The following CCND3 variants were observed in gnomAD, a reference collection of about 807,000 sequenced individuals.
CCND3 encodes the protein cyclin D3.
In CCND3, 9 loss-of-function variants were observed where a neutral mutation model predicts 28.7. The observed-to-expected ratio is 0.31, with a 90% CI of 0.19 to 0.55. CCND3 has a LOEUF of 0.55. CCND3 is among the 20% of genes least tolerant of loss of function. CCND3 has a pLI of 0.93. For synonymous variants in CCND3, 164 were observed against 163.9 expected (o/e 1.00, Z 0.00); for missense variants, 315 against 385.8 (o/e 0.82, Z 1.54).
At chr6:42,005,132 T>C (rs1763139401) in intron 1 of CCND3, among the ~76,000 whole-genome samples, 1 of 152,220 alleles carries the variant, frequency 6.6e-6, no homozygotes. Context: ...CTAATGAGCA[T>C]ATATGCTGAC....
At chr6:41,987,509 CTCTCTCTCTGTGTGTG>C (rs753230558) in intron 1 of CCND3, among the ~76,000 whole-genome samples, 8,865 of 67,748 alleles carry the variant, frequency 0.13, 412 homozygotes, top group Admixed American at 0.15. Flanking sequence ...CTCTCTCTCT[CTCTCTCTCTGTGTGTG>C]TGTGTGTGTG....
chr6:41,939,759 G>C lies in CCND3; in HGVS notation c.414+611C>G, dbSNP rs1775929578. Among the ~76,000 whole-genome samples the C allele has an allele frequency of 6.6e-6, 1 of 152,182 alleles. No individual in the cohort carries two copies. On this transcript the variant is annotated intron_variant, in intron 2 of 4. Coordinates refer to ENST00000372991, the MANE Select transcript of CCND3 (RefSeq NM_001760.5). The surrounding 1 kb of genome is among the most constrained non-coding windows in gnomAD (Gnocchi z 4.2). Reference sequence around the variant, plus strand: ...CACCAGGCCCAAAGCAGCTGCTCCAGTTCCTCAGAATGAGGACGAGGAAGG... The same window carrying C: ...CACCAGGCCCAAAGCAGCTGCTCCACTTCCTCAGAATGAGGACGAGGAAGG...
At chr6:41,987,877 C>G (rs1319182741) in intron 1 of CCND3, among the ~76,000 whole-genome samples, 1 of 151,768 alleles carries the variant, frequency 6.6e-6, no homozygotes, top group Non-Finnish European at 1.5e-5. Flanking sequence ...GCATCTTTTA[C>G]ACTTAGTGAT....
intron 1 of CCND3, among the ~76,000 whole-genome samples, chr6:41,968,811 G>A (rs1761956695): frequency 6.6e-6 from 1 of 151,996 alleles, no homozygotes; most frequent in Admixed American, 6.6e-5. Flanking sequence ...GTGTTTGTTT[G>A]TTTGTTTGTT....
chr6:42,014,294 G>C (rs141190851), intron 1 of CCND3, among the ~76,000 whole-genome samples: 3,532 of 152,094 alleles, frequency 0.023, 79 homozygotes, highest in South Asian at 0.087. Context: ...GTGAACCCCG[G>C]GGGGCGGAGC....
At chr6:42,015,728 T>C (rs1763485898) in intron 1 of CCND3, among the ~76,000 whole-genome samples, 1 of 151,196 alleles carries the variant, frequency 6.6e-6, no homozygotes, top group Admixed American at 6.6e-5. Flanking sequence ...AAAAAAAAAG[T>C]TATGTCTTTT....
At chr6:42,030,922 T>G (rs1302551345) in intron 1 of CCND3, among the ~76,000 whole-genome samples, 4 of 143,822 alleles carry the variant, frequency 2.8e-5, no homozygotes, top group African/African-American at 5.3e-5. Flanking sequence ...TGTGCGTGGA[T>G]GGGGGTGGGG....
chr6:41,942,522 G>T (rs1776064895), upstream of CCND3, among the ~76,000 whole-genome samples: 1 of 152,088 alleles, frequency 6.6e-6, no homozygotes, highest in Non-Finnish European at 1.5e-5. Flanking sequence ...GAACGGAAAG[G>T]CCATGGAGTC....
At chr6:41,967,950 AG>A (rs1761932350) in intron 1 of CCND3, among the ~76,000 whole-genome samples, 1 of 152,178 alleles carries the variant, frequency 6.6e-6, no homozygotes, top group African/African-American at 2.4e-5. Context: ...TTTTGCACCC[AG>A]GATTTTGTAA....
intron 2 of CCND3, 114 bp from the exon 3 acceptor site, chr6:41,937,508 A>G (rs915455701): frequency 7.3e-6 from 9 of 1,233,014 alleles, no homozygotes; most frequent in Non-Finnish European, 9.0e-6. Context: ...AAAGCCCAAG[A>G]CCCCAGTTCT....
At chr6:41,940,312 T>C in intron 2 of CCND3, 58 bp downstream of exon 2, 3 of 1,467,002 alleles carry the variant, frequency 2.0e-6, no homozygotes, top group Admixed American at 1.7e-5. Flanking sequence ...CAAGCTTTCC[T>C]TTTCCTGGAA....
At chr6:41,944,563 G>A (rs9471694), upstream of CCND3, among the ~76,000 whole-genome samples, 1,052 of 151,776 alleles carry the variant, frequency 6.9e-3, 13 homozygotes, top group African/African-American at 0.022. Context: ...CTGGGATTAC[G>A]GGTGCATACC....
At chr6:42,026,538 C>T (rs1217830070) in intron 1 of CCND3, among the ~76,000 whole-genome samples, 1 of 152,086 alleles carries the variant, frequency 6.6e-6, no homozygotes, top group African/African-American at 2.4e-5. Context: ...CCAGCAGGTC[C>T]CCATAGGAAA....
At chr6:41,984,611 G>A (rs1015270436) in intron 1 of CCND3, among the ~76,000 whole-genome samples, 10 of 152,128 alleles carry the variant, frequency 6.6e-5, no homozygotes, top group Admixed American at 2.0e-4. Context: ...GCCTCCCAAA[G>A]TGTTGGGATT....
At chr6:41,974,917 C>T (rs906812775) in intron 1 of CCND3, among the ~76,000 whole-genome samples, 5 of 151,644 alleles carry the variant, frequency 3.3e-5, no homozygotes, top group South Asian at 2.1e-4. Context: ...CTCAGCCTCC[C>T]GAGTAGGTGG....
chr6:41,993,085 T>C (rs1762700856), intron 1 of CCND3, among the ~76,000 whole-genome samples: 1 of 152,160 alleles, frequency 6.6e-6, no homozygotes, highest in Admixed American at 6.6e-5. Flanking sequence ...AAATGTTTTG[T>C]AGAGACAGGG....
chr6:42,016,918 C>G (rs1325874508), intron 1 of CCND3, among the ~76,000 whole-genome samples: 2 of 152,156 alleles, frequency 1.3e-5, no homozygotes, highest in Non-Finnish European at 2.9e-5. Flanking sequence ...TTCACACTCT[C>G]AACTACAACA....
chr6:41,986,604 A>AT (rs1391006065), intron 1 of CCND3, among the ~76,000 whole-genome samples: 1 of 2,942 alleles, frequency 3.4e-4, no homozygotes, highest in African/African-American at 3.8e-4. Flanking sequence ...AAATGTTACT[A>AT]CTTTGGTATG....
intron 1 of CCND3, among the ~76,000 whole-genome samples, chr6:41,960,099 A>C (rs1435363032): frequency 6.6e-6 from 1 of 152,214 alleles, no homozygotes; most frequent in African/African-American, 2.4e-5. Context: ...TGAGTCCTGA[A>C]ACCATCACGG....
Sources: gnomAD v4.1 joint callset for allele counts (sites outside exome capture counted in the v4.1 genomes callset) on GRCh38, gnomAD v4.1.1 for gene constraint, Gnocchi (gnomAD v3.1) non-coding constraint, MANE v1.5 for transcripts, NCBI Gene and HGNC (gene_info 2026-07-23, HGNC 2026-07-21) for gene names.